FBXL2: variants seen among roughly 807,000 people sequenced by gnomAD.
FBXL2 encodes the protein F-box/LRR-repeat protein 2.
A neutral mutation model predicts 69.2 loss-of-function variants in FBXL2; 38 were observed. The observed-to-expected ratio is 0.55, with a 90% CI of 0.42 to 0.72. The LOEUF is 0.72. FBXL2 is among the 30% of genes least tolerant of loss of function. The probability of loss-of-function intolerance (pLI) is 0.00; values close to 1 mark genes in which losing one functional copy is unlikely to be tolerated. For missense variants in FBXL2, 354 were observed against 520.3 expected, an observed-to-expected ratio of 0.68 and a Z score of 3.11; for synonymous variants, 192 against 201.3, an observed-to-expected ratio of 0.95 and a Z score of 0.39.
chr3:33,337,662 A>G (rs1001459768), intron 2 of FBXL2, among the ~76,000 whole-genome samples: 2 of 152,228 alleles, frequency 1.3e-5, no homozygotes, highest in Non-Finnish European at 2.9e-5. Flanking sequence ...GTAGGAAGAA[A>G]GGAAGTCAAA....
chr3:33,334,987 G>A (rs1046948433), intron 2 of FBXL2, among the ~76,000 whole-genome samples: 6 of 152,002 alleles, frequency 3.9e-5, no homozygotes, highest in Non-Finnish European at 5.9e-5. Flanking sequence ...TGTGGTCTCA[G>A]CTACCTGGGA....
chr3:33,408,665 G>A, the FBXL2 span: 1 of 1,593,448 alleles, frequency 6.3e-7, no homozygotes, highest in Non-Finnish European at 8.6e-7. Flanking sequence ...CTTGCACAAT[G>A]AAAAGAGAAG....
chr3:33,354,344 T>C (rs140547795), intron 2 of FBXL2, among the ~76,000 whole-genome samples: 2,331 of 151,794 alleles, frequency 0.015, 58 homozygotes, highest in African/African-American at 0.053. Context: ...TGAAACCCCG[T>C]CTCTACTAAA....
chr3:33,313,630 T>C lies in FBXL2; in HGVS notation c.65+15905T>C, dbSNP rs145117844. On this transcript the variant is annotated intron_variant, in intron 2 of 14. Transcript: ENST00000484457. ...TCAGATAATTGTTTTATTTTTTTTG[T>C]AGTGGCAGGGTCTTATTATGTTGCC... Among the ~76,000 whole-genome samples the C allele has an allele frequency of 1.4e-3, 214 of 152,014 alleles. 2 individuals carry two copies. In the East Asian group the frequency reaches 0.04, roughly 28 times the overall value.
At chr3:33,304,221 CTTTTAT>C (rs897971994) in intron 2 of FBXL2, among the ~76,000 whole-genome samples, 3 of 152,010 alleles carry the variant, frequency 2.0e-5, no homozygotes, top group African/African-American at 7.2e-5. Flanking sequence ...GCATTGCCCT[CTTTTAT>C]TCATTTTGTA....
At chr3:33,367,182 A>C (rs1292766796) in intron 5 of FBXL2, among the ~76,000 whole-genome samples, 7 of 151,978 alleles carry the variant, frequency 4.6e-5, no homozygotes. Flanking sequence ...TGCAACCTCA[A>C]AGGATTCTCC....
intron 1 of FBXL2, among the ~76,000 whole-genome samples, chr3:33,282,573 A>G (rs886345444): frequency 1.3e-5 from 2 of 152,232 alleles, no homozygotes; most frequent in African/African-American, 2.4e-5. Context: ...GTTTTTTCCA[A>G]TTCTGTGAAG....
At chr3:33,390,453 C>T (rs887537074), downstream of FBXL2, 1 of 1,397,094 alleles carries the variant, frequency 7.2e-7, no homozygotes, top group Non-Finnish European at 1.0e-6. Context: ...CCAACTACAA[C>T]CTCCCTTCCC....
the FBXL2 span, among the ~76,000 whole-genome samples, chr3:33,422,252 C>G: frequency 1.3e-5 from 2 of 151,934 alleles, no homozygotes; most frequent in African/African-American, 4.8e-5. Flanking sequence ...GCTATGAATC[C>G]TCTCATTAGA....
At chr3:33,307,314 AG>A (rs2036809981) in intron 2 of FBXL2, among the ~76,000 whole-genome samples, 2 of 152,186 alleles carry the variant, frequency 1.3e-5, no homozygotes, top group Non-Finnish European at 2.9e-5. Context: ...TATACACACA[AG>A]GACATTCTAC....
chr3:33,332,471 A>G lies in FBXL2; in HGVS notation c.66-26496A>G, dbSNP rs985461059. 2.0e-5 allele frequency among the ~76,000 whole-genome samples: 3 copies of G among 152,266 alleles called. No individual in the cohort carries two copies. In the East Asian group the frequency reaches 5.8e-4, roughly 29 times the overall value. ...CTGAAAACTCCAACAGTACTTGTAC[A>G]CAAATATGCATAGCAGTATTTTTCA... On this transcript the variant is annotated intron_variant, in intron 2 of 14. Transcript: ENST00000484457.
chr3:33,338,487 G>A (rs1280597456), intron 2 of FBXL2, among the ~76,000 whole-genome samples: 1 of 151,916 alleles, frequency 6.6e-6, no homozygotes, highest in Admixed American at 6.6e-5. Flanking sequence ...TAAGCAAAAA[G>A]AACAAAACTG....
intron 4 of FBXL2, among the ~76,000 whole-genome samples, chr3:33,362,301 C>A (rs2041679875): frequency 6.6e-6 from 1 of 152,102 alleles, no homozygotes; most frequent in African/African-American, 2.4e-5. Context: ...TTGTGCTAGG[C>A]CAAAAATGAG....
Position 33,380,796 on chromosome 3 carries a change from G to C in FBXL2, c.951+2055G>C, listed in dbSNP as rs73049601. On this transcript the variant is annotated intron_variant, in intron 13 of 14. Coordinates refer to ENST00000484457, the MANE Select transcript of FBXL2 (RefSeq NM_012157.5). Reference sequence around the variant, plus strand: ...ATGGCAATTAAAAGTAACCACCTCTGAGTCAGGAATGTGATATAAGCTGCT... The same window carrying C: ...ATGGCAATTAAAAGTAACCACCTCTCAGTCAGGAATGTGATATAAGCTGCT... 4.2e-3 allele frequency among the ~76,000 whole-genome samples: 634 copies of C among 152,262 alleles called. 1 individual carries two copies. Among genetic ancestry groups the C allele is most frequent in the Middle Eastern group, 0.01 (3 of 292 alleles).
Position 33,373,337 on chromosome 3 carries a change from G to A in FBXL2, c.437G>A (p.Ser146Asn), listed in dbSNP as rs751632187. 12 of 1,612,924 alleles carry A rather than the reference G, an allele frequency of 7.4e-6. No homozygotes were observed. Among genetic ancestry groups the A allele is most frequent in the Non-Finnish European group, 1.0e-5 (12 of 1,178,926 alleles). ...DLTSCVSITN[S>N]SLKGISEGCR... ...ACCTCCTGTGTGTCTATTACAAACA[G>A]CTCCTTGAAGGGGATCAGGTAAGAG... The change falls in exon 7 of 15, where the codon AGC becomes AAC. Residue 146 changes from serine to asparagine, a missense_variant. Physicochemically the swap from Ser to Asn is conservative, Grantham distance 46. Transcript: ENST00000484457.
chr3:33,397,100 C>T (rs757345920), intron 12 of FBXL2: 2 of 1,600,694 alleles, frequency 1.2e-6, no homozygotes, highest in Non-Finnish European at 1.7e-6. Flanking sequence ...CAAATTTGAA[C>T]TAAATCCTCC....
intron 4 of FBXL2, 25 bp from the exon 5 acceptor site, chr3:33,364,600 T>C (rs1209158749): frequency 1.2e-6 from 2 of 1,600,216 alleles, no homozygotes; most frequent in Non-Finnish European, 1.7e-6. Flanking sequence ...CAGTATTTTT[T>C]CCTCCCGAAC....
intron 1 of FBXL2, among the ~76,000 whole-genome samples, chr3:33,292,280 T>C (rs1288152778): frequency 6.6e-6 from 1 of 152,094 alleles, no homozygotes; most frequent in Non-Finnish European, 1.5e-5. Flanking sequence ...CTTGGGAGGC[T>C]GAGGTGGGAG....
At chr3:33,368,574 A>AT (rs1349840666) in intron 5 of FBXL2, among the ~76,000 whole-genome samples, 2 of 151,684 alleles carry the variant, frequency 1.3e-5, no homozygotes, top group Non-Finnish European at 2.9e-5. Flanking sequence ...TTTAAAGTTG[A>AT]TTTTTTATAG....
Sources: gnomAD v4.1 joint callset for allele counts (sites outside exome capture counted in the v4.1 genomes callset) on GRCh38, gnomAD v4.1.1 for gene constraint, MANE v1.5 for transcripts, NCBI Gene and HGNC (gene_info 2026-07-23, HGNC 2026-07-21) for gene names.